HPN: variants seen among roughly 807,000 people sequenced by gnomAD.
The protein encoded by HPN is serine protease hepsin.
Under a neutral mutation model 55.9 loss-of-function variants are expected in HPN, and 13 were observed. The observed-to-expected ratio is 0.23, with a 90% CI of 0.15 to 0.37. The LOEUF (loss-of-function observed/expected upper bound fraction) is 0.37, where lower values mean the gene tolerates loss of function less well. HPN is among the 10% of genes least tolerant of loss of function. HPN has a pLI of 1.00. For missense variants in HPN, 451 were observed against 575.8 expected (o/e 0.78, Z 2.22); for synonymous variants, 225 against 240.3 (o/e 0.94, Z 0.59).
At position 35,060,727 on chromosome 19, in the gene HPN, G is replaced by C; in HGVS notation, c.721G>C (p.Gly241Arg). The stretch of plus-strand genomic sequence containing the variant: ...GGGGGTGCAGGCTGTGGTCTACCAC[G>C]GGGGCTATCTTCCCTTTCGGGACCC... ...QLGVQAVVYH[G>R]GYLPFRDPNS... The change falls in exon 9 of 13, where the codon GGG becomes CGG. Residue 241 changes from glycine to arginine, a missense_variant. This residue lies in a region of HPN where 378 missense variants were observed against 445.5 expected (regional missense o/e 0.85). Coordinates refer to ENST00000672452, the MANE Select transcript of HPN (RefSeq NM_001384133.1). 6.2e-7 allele frequency: 1 copy of C among 1,614,106 alleles called. No homozygotes were observed. The highest frequency in any genetic ancestry group is 8.5e-7 in the Non-Finnish European group (1 of 1,180,002).
upstream of HPN, chr19:35,041,694 G>GGAA: frequency 1.3e-5 from 1 of 78,644 alleles, no homozygotes; most frequent in Non-Finnish European, 1.8e-5. Flanking sequence ...CCCTTCACCC[G>GGAA]CCCCTCGCCC....
At chr19:35,042,290 C>G in intron 1 of HPN, 163 bp from the exon 2 acceptor site, 1 of 1,393,394 alleles carries the variant, frequency 7.2e-7, no homozygotes, top group Non-Finnish European at 9.3e-7. Flanking sequence ...CAGACACTGA[C>G]CCCATCCTTG....
At chr19:35,062,609 T>C (rs1237218700) in intron 9 of HPN, among the ~76,000 whole-genome samples, 2 of 151,896 alleles carry the variant, frequency 1.3e-5, no homozygotes, top group African/African-American at 4.8e-5. Context: ...TGCAGTGTAA[T>C]AATAATAATA....
intron 2 of HPN, among the ~76,000 whole-genome samples, chr19:35,047,131 A>AGTTG (rs922027603): frequency 6.6e-6 from 1 of 151,990 alleles, no homozygotes; most frequent in African/African-American, 2.4e-5. Flanking sequence ...CCCGGCTAGG[A>AGTTG]GTTGGCTTTT....
intron 4 of HPN, among the ~76,000 whole-genome samples, chr19:35,053,107 C>T (rs2151759664): frequency 6.6e-6 from 1 of 152,234 alleles, no homozygotes; most frequent in Admixed American, 6.5e-5. Context: ...CCAGAACATC[C>T]TTTTTGTGTT....
chr19:35,054,176 G>A (rs890127586), intron 4 of HPN, among the ~76,000 whole-genome samples: 7 of 152,210 alleles, frequency 4.6e-5, no homozygotes, highest in African/African-American at 1.7e-4. Flanking sequence ...CCAGCACTTG[G>A]GGAGGCCAAG....
In HPN at chr19:35,041,759, C is replaced by G; in HGVS notation, c.-168C>G. On this transcript the variant is annotated 5_prime_UTR_variant, in exon 1 of 13. Transcript: ENST00000672452. ...GGCCTAGCAGGCCCCACGCCACCGCCTCTGCCTCCAGGCCGCCCGCTGCTG... is the reference window on the plus strand; with the variant it reads ...GGCCTAGCAGGCCCCACGCCACCGCGTCTGCCTCCAGGCCGCCCGCTGCTG... The G allele has an allele frequency of 1.5e-6, 2 of 1,292,876 alleles. No homozygotes were observed. The highest frequency in any genetic ancestry group is 2.0e-6 in the Non-Finnish European group (2 of 993,578). 80.1% of individuals were successfully genotyped at this position (1,292,876 alleles called of 1,614,324 possible). A position where few individuals can be genotyped will look rare whatever the true frequency, so the allele number is the denominator to read the frequency against.
intron 4 of HPN, chr19:35,050,410 C>T: frequency 2.3e-6 from 2 of 865,180 alleles, no homozygotes; most frequent in Non-Finnish European, 3.2e-6. Context: ...GCATGAGCCA[C>T]TGCGCCTGTC....
intron 9 of HPN, among the ~76,000 whole-genome samples, chr19:35,064,001 T>C (rs957798353): frequency 4.6e-5 from 7 of 152,242 alleles, no homozygotes; most frequent in African/African-American, 1.7e-4. Flanking sequence ...TATTGTTGTT[T>C]AATACTTTTA....
In HPN at chr19:35,066,510, G is replaced by A. The variant is rs892502247; in HGVS notation, c.*223G>A. On this transcript the variant is annotated 3_prime_UTR_variant, in exon 13 of 13. Coordinates refer to ENST00000672452, the MANE Select transcript of HPN (RefSeq NM_001384133.1). ...ATGTAAATATTGTTCTGCTGTCTGG[G>A]ACTCCTGTCTAGGTGCCCCTGATGA... The A allele has an allele frequency of 1.1e-4, 63 of 588,316 alleles. No homozygotes were observed. The African/African-American group carries it at 1.1e-3, about 10-fold the overall frequency. 36.4% of individuals were successfully genotyped at this position (588,316 alleles called of 1,614,324 possible).
rs1395272520 is a variant in HPN at position 35,060,783 on chromosome 19, C to T, written c.777C>T (p.Ala259=). Residue 259 remains alanine (A), a synonymous_variant, in exon 9 of 13, where the codon GCC becomes GCT. Transcript: ENST00000672452. ...GCGAGGAGAACAGCAACGATATTGCCCTGGTCCACCTCTCCAGTCCCCTGC... is the reference window on the plus strand; with the variant it reads ...GCGAGGAGAACAGCAACGATATTGCTCTGGTCCACCTCTCCAGTCCCCTGC... The part of the protein sequence containing the change: ...PNSEENSNDI[A]LVHLSSPLPL... 1 of 1,603,280 alleles carries T rather than the reference C, an allele frequency of 6.2e-7. No individual in the cohort carries two copies. Among genetic ancestry groups the T allele is most frequent in the Non-Finnish European group, 8.5e-7 (1 of 1,174,320 alleles).
chr19:35,065,645 T>C lies in HPN; in HGVS notation c.1014T>C (p.Cys338=). 6.2e-7 allele frequency: 1 copy of C among 1,614,174 alleles called. No individual in the cohort carries two copies. Among genetic ancestry groups the C allele is most frequent in the Non-Finnish European group, 8.5e-7 (1 of 1,180,016 alleles). ...YGNQIKPKMF[C]AGYPEGGIDA... ...ACCAGATCAAGCCCAAGATGTTCTG[T>C]GCTGGCTACCCCGAGGGTGGCATTG... The change falls in exon 11 of 13, where the codon TGT becomes TGC. Residue 338 remains cysteine, a synonymous_variant. Transcript: ENST00000672452.
At position 35,060,526 on chromosome 19, in the gene HPN, A is replaced by G; in HGVS notation, c.620+14A>G. On this transcript the variant is annotated intron_variant, in intron 8 of 12. Transcript: ENST00000672452. ...CTGCTTCCCGGAGTGAGTGCCCCCC[A>G]ATGGCGCTGATGATGGGGAGGCAGA... The G allele has an allele frequency of 6.2e-7, 1 of 1,612,050 alleles. No homozygotes were observed. Among genetic ancestry groups the G allele is most frequent in the Non-Finnish European group, 8.5e-7 (1 of 1,179,530 alleles).
chr19:35,055,246 A>C lies in HPN; in HGVS notation c.161-4427A>C, dbSNP rs2064443027. On this transcript the variant is annotated intron_variant, in intron 4 of 12. Coordinates refer to ENST00000672452, the MANE Select transcript of HPN (RefSeq NM_001384133.1). ...TTATCCTAACATAAAAAAATAAACA[A>C]ATTAGCAGGGTGTGGTGGTATGCCC... Among the ~76,000 whole-genome samples, 3 of 152,040 alleles carry C rather than the reference A, an allele frequency of 2.0e-5. No individual in the cohort carries two copies. In the South Asian group the frequency reaches 6.2e-4, roughly 32 times the overall value.
intron 4 of HPN, among the ~76,000 whole-genome samples, chr19:35,053,397 G>A (rs2064423472): frequency 6.6e-6 from 1 of 152,126 alleles, no homozygotes; most frequent in South Asian, 2.1e-4. Flanking sequence ...GGGTGATGAG[G>A]ACCCCCCAGC....
chr19:35,042,321 C>T (rs2064302343), intron 1 of HPN, 132 bp from the exon 2 acceptor site: 7 of 1,407,492 alleles, frequency 5.0e-6, no homozygotes, highest in Admixed American at 3.1e-5. Flanking sequence ...AATCTGCGTC[C>T]GTGATCACGG....
At chr19:35,055,302 C>T (rs931393612) in intron 4 of HPN, among the ~76,000 whole-genome samples, 3 of 151,536 alleles carry the variant, frequency 2.0e-5, no homozygotes, top group Non-Finnish European at 2.9e-5. Flanking sequence ...GAGGTTGAGG[C>T]GGGAGGATCG....
At chr19:35,050,713 T>G (rs1170904785) in intron 4 of HPN, among the ~76,000 whole-genome samples, 1 of 152,066 alleles carries the variant, frequency 6.6e-6, no homozygotes, top group Non-Finnish European at 1.5e-5. Flanking sequence ...CTCATCTAAT[T>G]CCATAAAGGA....
intron 1 of HPN, 80 bp downstream of exon 1, chr19:35,041,952 C>A: frequency 8.1e-7 from 1 of 1,238,934 alleles, no homozygotes. Flanking sequence ...GCCTAATGCC[C>A]ACCTCCTAAT....
Sources: allele counts gnomAD v4.1 joint callset (sites outside exome capture counted in the v4.1 genomes callset), GRCh38; gene constraint gnomAD v4.1.1; regional missense constraint gnomAD v4.1.1; transcripts MANE v1.5; gene names NCBI Gene and HGNC (gene_info 2026-07-23, HGNC 2026-07-21).